Variants in TMEM178B observed in about 807,000 individuals in gnomAD.
The protein encoded by TMEM178B is transmembrane protein 178B.
Under a neutral mutation model 31.0 loss-of-function variants are expected in TMEM178B, and 5 were observed. The ratio of observed to expected loss-of-function variants is 0.16; its 90% CI spans 0.08 to 0.34. The LOEUF (loss-of-function observed/expected upper bound fraction) is 0.34. TMEM178B is among the 10% of genes least tolerant of loss of function. The probability of loss-of-function intolerance (pLI) is 1.00; values close to 1 mark genes in which losing one functional copy is unlikely to be tolerated. For missense variants in TMEM178B, 275 were observed against 400.3 expected, an observed-to-expected ratio of 0.69 and a Z score of 2.67; for synonymous variants, 164 against 164.0, an observed-to-expected ratio of 1.00 and a Z score of 0.00.
the TMEM178B span, among the ~76,000 whole-genome samples, chr7:141,490,143 C>A: frequency 6.6e-6 from 1 of 152,198 alleles, no homozygotes; most frequent in East Asian, 1.9e-4. Flanking sequence ...GCTCCCTCCC[C>A]AGCCTCCACA....
At chr7:141,307,411 C>T (rs541793872) in intron 2 of TMEM178B, among the ~76,000 whole-genome samples, 4 of 152,310 alleles carry the variant, frequency 2.6e-5, no homozygotes, top group South Asian at 2.1e-4. Flanking sequence ...GGGATGGCAC[C>T]GGCAGGGGAT....
At chr7:141,135,156 G>A (rs1290325225) in intron 1 of TMEM178B, among the ~76,000 whole-genome samples, 2 of 152,146 alleles carry the variant, frequency 1.3e-5, no homozygotes, top group South Asian at 4.1e-4. Flanking sequence ...AATGATGAAG[G>A]TATCAATTCA....
chr7:141,423,522 C>G (rs1801254415), intron 2 of TMEM178B, among the ~76,000 whole-genome samples: 3 of 152,172 alleles, frequency 2.0e-5, no homozygotes, highest in Admixed American at 2.0e-4. Context: ...CCATATTAGA[C>G]TCTTCAGCTT....
chr7:141,454,537 C>CCTCTCCTCTT (rs1586971752), intron 3 of TMEM178B, among the ~76,000 whole-genome samples: 5 of 146,892 alleles, frequency 3.4e-5, no homozygotes, highest in African/African-American at 1.2e-4. Flanking sequence ...TTCCTTTCCT[C>CCTCTCCTCTT]CTCTCCTCTT....
At chr7:141,110,940 G>A (rs1320212265) in intron 1 of TMEM178B, among the ~76,000 whole-genome samples, 1 of 152,182 alleles carries the variant, frequency 6.6e-6, no homozygotes, top group Non-Finnish European at 1.5e-5. Flanking sequence ...TACAAGCCAA[G>A]AAGAGAGGCT....
At chr7:141,487,411 G>C in the TMEM178B span, among the ~76,000 whole-genome samples, 6 of 151,988 alleles carry the variant, frequency 3.9e-5, no homozygotes, top group East Asian at 1.2e-3. Context: ...TTCCATTGTT[G>C]TGTACTTCAG....
At chr7:141,093,896 A>G (rs769940747) in intron 1 of TMEM178B, among the ~76,000 whole-genome samples, 19 of 152,232 alleles carry the variant, frequency 1.2e-4, no homozygotes, top group Non-Finnish European at 2.4e-4. Flanking sequence ...AACTTGACCA[A>G]GAGTGAATGG....
intron 1 of TMEM178B, among the ~76,000 whole-genome samples, chr7:141,185,831 A>G (rs1370752820): frequency 1.3e-5 from 2 of 151,820 alleles, no homozygotes; most frequent in Non-Finnish European, 2.9e-5. Flanking sequence ...TTTCCATATC[A>G]CAGTCATGGC....
At chr7:141,303,200 G>A (rs1247294549) in intron 2 of TMEM178B, among the ~76,000 whole-genome samples, 1 of 152,084 alleles carries the variant, frequency 6.6e-6, no homozygotes, top group East Asian at 1.9e-4. Context: ...CCATTGCTAC[G>A]CTTCCTCCTC....
intron 2 of TMEM178B, chr7:141,431,329 C>G (rs550646045): frequency 6.6e-6 from 1 of 152,178 alleles, no homozygotes; most frequent in Non-Finnish European, 1.5e-5. Flanking sequence ...GAGTTGCAAG[C>G]AATACCTATC....
chr7:141,090,725 C>A (rs553091151), intron 1 of TMEM178B, among the ~76,000 whole-genome samples: 1 of 152,290 alleles, frequency 6.6e-6, no homozygotes, highest in South Asian at 2.1e-4. Context: ...AAGCATTTGT[C>A]CCCCATAGGG....
intron 2 of TMEM178B, among the ~76,000 whole-genome samples, chr7:141,324,108 GA>G (rs1799145311): frequency 6.6e-6 from 1 of 152,140 alleles, no homozygotes; most frequent in African/African-American, 2.4e-5. Context: ...GATGATGTAA[GA>G]AACGTAGGGG....
intron 2 of TMEM178B, among the ~76,000 whole-genome samples, chr7:141,218,003 A>G (rs1042511470): frequency 6.6e-6 from 1 of 151,960 alleles, no homozygotes; most frequent in Non-Finnish European, 1.5e-5. Context: ...GGGTAGTCAC[A>G]CAGCACATTT....
intron 2 of TMEM178B, among the ~76,000 whole-genome samples, chr7:141,317,850 T>G (rs1038214340): frequency 1.3e-5 from 2 of 152,218 alleles, no homozygotes; most frequent in Non-Finnish European, 2.9e-5. Flanking sequence ...ATTGTTTTGA[T>G]GTATATTGGG....
chr7:141,385,697 C>T (rs1249034161), intron 2 of TMEM178B, among the ~76,000 whole-genome samples: 1 of 152,164 alleles, frequency 6.6e-6, no homozygotes, highest in Non-Finnish European at 1.5e-5. Flanking sequence ...GACATAAATC[C>T]AACTTGCACC....
At chr7:141,114,309 T>C (rs958603206) in intron 1 of TMEM178B, among the ~76,000 whole-genome samples, 1 of 151,898 alleles carries the variant, frequency 6.6e-6, no homozygotes, top group African/African-American at 2.4e-5. Flanking sequence ...CTGCACTGTA[T>C]ATCTGTATAT....
chr7:141,245,985 TG>T (rs1406482057), intron 2 of TMEM178B, among the ~76,000 whole-genome samples: 1 of 152,082 alleles, frequency 6.6e-6, no homozygotes, highest in Non-Finnish European at 1.5e-5. Context: ...TAGTAGAGTT[TG>T]GGAAATGATG....
chr7:141,078,314 T>G (rs2129170497), intron 1 of TMEM178B, among the ~76,000 whole-genome samples: 1 of 152,330 alleles, frequency 6.6e-6, no homozygotes, highest in African/African-American at 2.4e-5. Flanking sequence ...TTGAAATAAG[T>G]AGAACTTCAA....
intron 2 of TMEM178B, among the ~76,000 whole-genome samples, chr7:141,297,975 A>T (rs1376571148): frequency 6.6e-6 from 1 of 152,242 alleles, no homozygotes; most frequent in Admixed American, 6.5e-5. Context: ...TCCCACCAAC[A>T]GTGTAAAAGT....
Sources: allele counts gnomAD v4.1 joint callset (sites outside exome capture counted in the v4.1 genomes callset), GRCh38; gene constraint gnomAD v4.1.1; transcripts MANE v1.5; gene names NCBI Gene and HGNC (gene_info 2026-07-23, HGNC 2026-07-21).